Variants in GALNT13 observed in about 807,000 individuals in gnomAD.
GALNT13 encodes the protein polypeptide N-acetylgalactosaminyltransferase 13, also known as UDP-GalNAc:polypeptide N-acetylgalactosaminyltransferase 13.
Under a neutral mutation model 64.2 loss-of-function variants are expected in GALNT13, and 28 were observed. That is an observed-to-expected ratio of 0.44 (90% CI 0.32 to 0.60). The LOEUF is 0.60. Among genes scored for constraint, GALNT13 ranks in the 20% least tolerant of loss-of-function variants. GALNT13 has a pLI of 0.05. For synonymous variants in GALNT13, 214 were observed against 224.6 expected, an observed-to-expected ratio of 0.95 and a Z score of 0.42; for missense variants, 577 against 669.8, an observed-to-expected ratio of 0.86 and a Z score of 1.53.
chr2:154,053,380 A>T (rs1190379115), intron 3 of GALNT13, among the ~76,000 whole-genome samples: 1 of 150,714 alleles, frequency 6.6e-6, no homozygotes, highest in Non-Finnish European at 1.5e-5. Context: ...CCCTTCACTT[A>T]ACTTTTTTTT....
chr2:154,081,103 A>C (rs994303312), intron 3 of GALNT13, among the ~76,000 whole-genome samples: 6 of 151,484 alleles, frequency 4.0e-5, no homozygotes, highest in Non-Finnish European at 8.9e-5. Context: ...TTTCCTTAGA[A>C]GTCCTGTAAT....
the GALNT13 span, among the ~76,000 whole-genome samples, chr2:153,725,889 G>T: frequency 6.6e-6 from 1 of 151,662 alleles, no homozygotes; most frequent in African/African-American, 2.4e-5. Flanking sequence ...TCTTTTGTGT[G>T]TGTATACAGT....
chr2:153,721,573 G>A, the GALNT13 span, among the ~76,000 whole-genome samples: 7 of 149,080 alleles, frequency 4.7e-5, no homozygotes, highest in African/African-American at 1.0e-4. Flanking sequence ...CCCATCTCAC[G>A]TGCAGAGACA....
At chr2:154,154,933 T>TG (rs1438207004) in intron 4 of GALNT13, among the ~76,000 whole-genome samples, 1 of 63,708 alleles carries the variant, frequency 1.6e-5, no homozygotes. Context: ...ATTGTTTATG[T>TG]TTGTGTGTGT....
chr2:153,416,909 A>C, the GALNT13 span, among the ~76,000 whole-genome samples: 1 of 152,190 alleles, frequency 6.6e-6, no homozygotes, highest in African/African-American at 2.4e-5. Context: ...TAAGAAAAAG[A>C]ATACAGGACC....
chr2:153,681,964 T>C, the GALNT13 span, among the ~76,000 whole-genome samples: 1 of 151,724 alleles, frequency 6.6e-6, no homozygotes, highest in African/African-American at 2.4e-5. Context: ...AAGCTGTTTC[T>C]CCTATGTACC....
the GALNT13 span, among the ~76,000 whole-genome samples, chr2:153,798,241 G>C: frequency 6.6e-6 from 1 of 152,126 alleles, no homozygotes; most frequent in African/African-American, 2.4e-5. Context: ...TGGATAAATA[G>C]AAAATATTTG....
At chr2:153,720,422 A>G in the GALNT13 span, among the ~76,000 whole-genome samples, 1 of 151,880 alleles carries the variant, frequency 6.6e-6, no homozygotes, top group African/African-American at 2.4e-5. Context: ...CTCCAAAGGA[A>G]CGCAGTTCCT....
chr2:153,973,780 T>G (rs749627564), intron 3 of GALNT13, among the ~76,000 whole-genome samples: 10 of 151,980 alleles, frequency 6.6e-5, no homozygotes, highest in Non-Finnish European at 1.0e-4. Flanking sequence ...TCTTTGAAGA[T>G]ATTTAAGTAA....
the GALNT13 span, among the ~76,000 whole-genome samples, chr2:153,070,922 T>G: frequency 6.6e-6 from 1 of 152,208 alleles, no homozygotes; most frequent in East Asian, 1.9e-4. Flanking sequence ...TTAAAGGCAA[T>G]GTGAAATTCA....
the GALNT13 span, among the ~76,000 whole-genome samples, chr2:153,563,444 A>G: frequency 5.3e-5 from 8 of 151,954 alleles, no homozygotes; most frequent in Non-Finnish European, 4.4e-5. Flanking sequence ...CTTCCCATAT[A>G]TTTATATGAG....
At chr2:153,478,661 A>T in the GALNT13 span, 1 of 1,027,578 alleles carries the variant, frequency 9.7e-7, no homozygotes, top group South Asian at 1.7e-5. Flanking sequence ...GCTCACTCGC[A>T]GACTAGCGCG....
Position 154,145,100 on chromosome 2 carries a change from CTATA to C in GALNT13, c.311+4612_311+4615del, listed in dbSNP as rs1553484442. 1.5e-3 allele frequency among the ~76,000 whole-genome samples: 177 copies of C among 119,518 alleles called. 2 individuals are homozygous for C. The highest frequency in any genetic ancestry group is 4.5e-3 in the African/African-American group (149 of 32,876). 78.4% of individuals were successfully genotyped at this position (119,518 alleles called of 152,430 possible). A position where few individuals can be genotyped will look rare whatever the true frequency, so the allele number is the denominator to read the frequency against. ...TCTATCTATCTATCTATCTATCTAT[CTATA>C]TATATATATATATATACACACACTA... On this transcript the variant is annotated intron_variant, in intron 4 of 12. Coordinates refer to ENST00000392825, the MANE Select transcript of GALNT13 (RefSeq NM_052917.4).
the GALNT13 span, among the ~76,000 whole-genome samples, chr2:153,538,035 G>C: frequency 2.6e-5 from 4 of 152,292 alleles, no homozygotes; most frequent in Non-Finnish European, 5.9e-5. Flanking sequence ...GGTTGGAACA[G>C]TTTGGGGGAC....
the GALNT13 span, among the ~76,000 whole-genome samples, chr2:153,709,596 A>G: frequency 5.3e-5 from 8 of 152,136 alleles, no homozygotes; most frequent in African/African-American, 1.9e-4. Flanking sequence ...ACTCAAAGAA[A>G]CAAAAACAAG....
At chr2:154,153,499 G>C (rs1325219103) in intron 4 of GALNT13, among the ~76,000 whole-genome samples, 2 of 152,192 alleles carry the variant, frequency 1.3e-5, no homozygotes, top group African/African-American at 2.4e-5. Flanking sequence ...GAGTTTACTG[G>C]TGTCTTTTTG....
the GALNT13 span, among the ~76,000 whole-genome samples, chr2:153,329,323 T>C: frequency 6.6e-6 from 1 of 152,208 alleles, no homozygotes; most frequent in African/African-American, 2.4e-5. Context: ...AGTTGAATAG[T>C]AGTTCTAAGT....
At chr2:153,362,647 T>C in the GALNT13 span, among the ~76,000 whole-genome samples, 1 of 150,044 alleles carries the variant, frequency 6.7e-6, no homozygotes. Context: ...ACGAAGGATA[T>C]TATATAATGG....
At chr2:153,255,993 C>A in the GALNT13 span, among the ~76,000 whole-genome samples, 2 of 152,080 alleles carry the variant, frequency 1.3e-5, no homozygotes, top group South Asian at 2.1e-4. Context: ...CTCTGTATTT[C>A]CTGAATCTGA....
Sources: gnomAD v4.1 joint callset for allele counts (sites outside exome capture counted in the v4.1 genomes callset) on GRCh38, gnomAD v4.1.1 for gene constraint, MANE v1.5 for transcripts, NCBI Gene and HGNC (gene_info 2026-07-23, HGNC 2026-07-21) for gene names.